NPIPB13: variants seen among roughly 807,000 people sequenced by gnomAD.
The protein encoded by NPIPB13 is nuclear pore complex-interacting protein family member B13.
At chr16:30,232,537 G>T (rs1596938134) in intron 3 of NPIPB13, among the ~76,000 whole-genome samples, 1 of 113,424 alleles carries the variant, frequency 8.8e-6, no homozygotes, top group African/African-American at 2.9e-5. Flanking sequence ...GGAGGCCGAG[G>T]CAGGTGAATC....
Position 30,223,108 on chromosome 16 carries a change from GGTTCC to G in NPIPB13, c.3333_3337del (p.Glu1112ValfsTer11). 4.0e-6 allele frequency: 1 copy of G among 249,456 alleles called. No homozygotes were observed. The highest frequency in any genetic ancestry group is 7.1e-6 in the Non-Finnish European group (1 of 140,808). 15.5% of individuals were successfully genotyped at this position (249,456 alleles called of 1,614,324 possible). ...CCTCCGCCTCTTGGGTTTGCGTGAC[GGTTCC>G]ACGTCACCGACCCTCCGCCTCTTGG... On this transcript the variant is annotated frameshift_variant, in exon 8 of 8. Transcript: ENST00000520915. LOFTEE classifies it high-confidence loss of function.
chr16:30,246,474 T>C (rs1007722746), upstream of NPIPB13, among the ~76,000 whole-genome samples: 1 of 146,628 alleles, frequency 6.8e-6, no homozygotes, highest in African/African-American at 2.5e-5. Flanking sequence ...CTAAGGACTT[T>C]TGTATTTTCC....
chr16:30,244,483 ATGTGTGTGTGTGTGTGTGTGTGTGTG>A, intron 2 of NPIPB13, among the ~76,000 whole-genome samples: 1 of 89,426 alleles, frequency 1.1e-5, no homozygotes, highest in East Asian at 5.4e-4. Flanking sequence ...CAAAAAATAT[ATGTGTGTGTGTGTGTGTGTGTGTGTG>A]TGTGTGTGTG....
At chr16:30,232,497 G>A (rs1232410475) in intron 3 of NPIPB13, among the ~76,000 whole-genome samples, 1 of 143,338 alleles carries the variant, frequency 7.0e-6, no homozygotes, top group African/African-American at 2.5e-5. Flanking sequence ...GCCAGATGCG[G>A]TAGCTCACGC....
At chr16:30,232,577 G>T (rs1443136522) in intron 3 of NPIPB13, among the ~76,000 whole-genome samples, 1 of 76,140 alleles carries the variant, frequency 1.3e-5, no homozygotes, top group Non-Finnish European at 3.3e-5. Context: ...ACCATCCTGG[G>T]CAACATGGTG....
At chr16:30,245,093 C>G (rs1479177953) in intron 2 of NPIPB13, among the ~76,000 whole-genome samples, 1 of 152,240 alleles carries the variant, frequency 6.6e-6, no homozygotes, top group Non-Finnish European at 1.5e-5. Flanking sequence ...AGGTGATCCA[C>G]CAGCCTCAGC....
At chr16:30,238,648 G>A (rs1206295305) in intron 2 of NPIPB13, among the ~76,000 whole-genome samples, 5 of 13,000 alleles carry the variant, frequency 3.8e-4, no homozygotes, top group African/African-American at 2.2e-3. Flanking sequence ...ACTCCAGCCT[G>A]GGCGACAGAG....
At chr16:30,232,491 G>C (rs1282938576) in intron 3 of NPIPB13, among the ~76,000 whole-genome samples, 1 of 144,836 alleles carries the variant, frequency 6.9e-6, no homozygotes, top group East Asian at 2.0e-4. Context: ...AAATAGGCCA[G>C]ATGCGGTAGC....
intron 2 of NPIPB13, among the ~76,000 whole-genome samples, chr16:30,241,850 A>G (rs1596940816): frequency 1.9e-5 from 2 of 106,564 alleles, no homozygotes; most frequent in East Asian, 2.2e-4. Context: ...AAAAAAAAAA[A>G]GCAGCCCTAG....
chr16:30,241,845 A>T (rs1348697001), intron 2 of NPIPB13, among the ~76,000 whole-genome samples: 3 of 107,976 alleles, frequency 2.8e-5, no homozygotes, highest in Non-Finnish European at 6.4e-5. Flanking sequence ...AAAAAAAAAA[A>T]AAAAAGCAGC....
chr16:30,232,179 CATG>C (rs1231755774), intron 3 of NPIPB13, among the ~76,000 whole-genome samples: 1 of 66,188 alleles, frequency 1.5e-5, no homozygotes, highest in African/African-American at 4.2e-5. Flanking sequence ...ACAAGAATGA[CATG>C]AGGCTGGCAC....
intron 3 of NPIPB13, among the ~76,000 whole-genome samples, chr16:30,232,417 T>C (rs2073558336): frequency 7.0e-6 from 1 of 143,266 alleles, no homozygotes; most frequent in East Asian, 2.0e-4. Flanking sequence ...TGAGCTGAGA[T>C]TGTGCCATTG....
At chr16:30,244,537 GTA>G (rs2073602634) in intron 2 of NPIPB13, among the ~76,000 whole-genome samples, 2 of 53,900 alleles carry the variant, frequency 3.7e-5, no homozygotes, top group African/African-American at 1.3e-4. Context: ...GTGTGTGTGT[GTA>G]TCTATATAAA....
chr16:30,230,877 TAA>T (rs1200193892), intron 5 of NPIPB13, among the ~76,000 whole-genome samples: 8 of 55,026 alleles, frequency 1.5e-4, no homozygotes, highest in African/African-American at 3.5e-4. Flanking sequence ...ATCTCAAAAT[TAA>T]AAAAAAAAAA....
intron 2 of NPIPB13, among the ~76,000 whole-genome samples, chr16:30,238,622 G>A (rs1327019885): frequency 1.0e-4 from 2 of 19,142 alleles, no homozygotes; most frequent in East Asian, 9.1e-4. Context: ...GCAGTGAGCC[G>A]AGGTCCCGCC....
chr16:30,244,853 A>ATT (rs1259467913), intron 2 of NPIPB13, among the ~76,000 whole-genome samples: 118 of 72,592 alleles, frequency 1.6e-3, no homozygotes, highest in African/African-American at 5.6e-3. Flanking sequence ...TTGCAGGATA[A>ATT]TTTTTTTTTT....
chr16:30,236,244 TTTTG>T (rs1256336786), intron 2 of NPIPB13, among the ~76,000 whole-genome samples: 17 of 96,650 alleles, frequency 1.8e-4, no homozygotes, highest in East Asian at 1.0e-3. Context: ...TTGTTTTTGT[TTTTG>T]TTTGTTATTT....
chr16:30,232,407 T>G (rs1234169149), intron 3 of NPIPB13, among the ~76,000 whole-genome samples: 5 of 136,912 alleles, frequency 3.7e-5, no homozygotes, highest in Non-Finnish European at 8.1e-5. Flanking sequence ...AAGCTTGTGG[T>G]GAGCTGAGAT....
chr16:30,232,764 C>CAA (rs1360085862), intron 3 of NPIPB13, among the ~76,000 whole-genome samples: 25 of 13,784 alleles, frequency 1.8e-3, no homozygotes, highest in African/African-American at 4.7e-3. Context: ...GAATCCGTCT[C>CAA]AAAAAAAAAA....
Sources: allele counts gnomAD v4.1 joint callset (sites outside exome capture counted in the v4.1 genomes callset), GRCh38; gene constraint gnomAD v4.1.1; transcripts MANE v1.5; gene names NCBI Gene and HGNC (gene_info 2026-07-23, HGNC 2026-07-21).